Variants in ZRANB3 observed in about 807,000 individuals in gnomAD.
ZRANB3 encodes zinc finger RANBP2-type containing 3, also known as DNA annealing helicase and endonuclease ZRANB3.
A neutral mutation model predicts 133.8 loss-of-function variants in ZRANB3; 125 were observed. That is an observed-to-expected ratio of 0.93 (90% CI 0.81 to 1.08). ZRANB3 has a LOEUF of 1.08. Ranked by LOEUF, ZRANB3 falls within the 50% of genes least tolerant of loss-of-function variation. The probability of loss-of-function intolerance (pLI) is 0.00; values close to 1 mark genes in which losing one functional copy is unlikely to be tolerated. For synonymous variants in ZRANB3, 387 were observed against 432.7 expected (o/e 0.89, Z 1.31); for missense variants, 1,229 against 1,275.5 (o/e 0.96, Z 0.56).
At chr2:135,401,686 A>G (rs571845074) in intron 2 of ZRANB3, among the ~76,000 whole-genome samples, 1 of 152,362 alleles carries the variant, frequency 6.6e-6, no homozygotes, top group South Asian at 2.1e-4. Flanking sequence ...TCACGCAATG[A>G]TGCCAAATCT....
intron 12 of ZRANB3, among the ~76,000 whole-genome samples, chr2:135,243,243 C>T (rs1408677496): frequency 2.0e-5 from 3 of 152,140 alleles, no homozygotes; most frequent in East Asian, 1.9e-4. Context: ...AGGCTGGGCG[C>T]GGTGGCTCAC....
chr2:135,420,308 GATAA>G (rs1050103986), intron 2 of ZRANB3, among the ~76,000 whole-genome samples: 4 of 151,374 alleles, frequency 2.6e-5, no homozygotes, highest in African/African-American at 9.7e-5. Flanking sequence ...AATTAAAACT[GATAA>G]ATAAAGGCCA....
Position 135,238,195 on chromosome 2 carries a change from T to C in ZRANB3, c.1540-7268A>G, listed in dbSNP as rs566214844. 4.6e-5 allele frequency among the ~76,000 whole-genome samples: 7 copies of C among 152,282 alleles called. No homozygotes were observed. The East Asian group carries it at 1.4e-3, about 29-fold the overall frequency. On this transcript the variant is annotated intron_variant, in intron 12 of 20. Transcript: ENST00000264159. ...GTTTCAGAGGTGGAGTTGGGAACTA[T>C]GTTAGAAACACAGTGTGGCTGAATA...
intron 2 of ZRANB3, among the ~76,000 whole-genome samples, chr2:135,435,447 T>G (rs1159259394): frequency 1.3e-5 from 2 of 152,260 alleles, no homozygotes; most frequent in African/African-American, 4.8e-5. Context: ...AGTGCTACAT[T>G]GAACATTCAC....
chr2:135,392,248 A>G (rs1471389312), intron 2 of ZRANB3, among the ~76,000 whole-genome samples: 1 of 150,732 alleles, frequency 6.6e-6, no homozygotes, highest in Admixed American at 6.6e-5. Flanking sequence ...CAGGAATTGG[A>G]AGCCACACTG....
At chr2:135,405,037 G>A (rs1295643687) in intron 2 of ZRANB3, among the ~76,000 whole-genome samples, 1 of 152,132 alleles carries the variant, frequency 6.6e-6, no homozygotes, top group Non-Finnish European at 1.5e-5. Flanking sequence ...ATTGGATAAA[G>A]AGTCAAGACC....
intron 6 of ZRANB3, among the ~76,000 whole-genome samples, chr2:135,341,504 G>A (rs1169800089): frequency 6.7e-6 from 1 of 150,016 alleles, no homozygotes; most frequent in Non-Finnish European, 1.5e-5. Flanking sequence ...TGTAGAGCAT[G>A]TGTGTTTGAA....
chr2:135,498,730 C>G (rs1166865777), intron 2 of ZRANB3, among the ~76,000 whole-genome samples: 2 of 152,080 alleles, frequency 1.3e-5, no homozygotes, highest in Non-Finnish European at 2.9e-5. Context: ...AATGTGTTCC[C>G]AAGGGAAGGT....
intron 2 of ZRANB3, among the ~76,000 whole-genome samples, chr2:135,412,394 G>A (rs1398535682): frequency 1.3e-5 from 2 of 152,064 alleles, no homozygotes; most frequent in East Asian, 1.9e-4. Context: ...TATTAATGAA[G>A]TGATTTTAAT....
At chr2:135,416,138 C>T (rs1483344099) in intron 2 of ZRANB3, among the ~76,000 whole-genome samples, 7 of 151,722 alleles carry the variant, frequency 4.6e-5, no homozygotes, top group South Asian at 2.1e-4. Flanking sequence ...AAATAAAGGG[C>T]ATTCAATTAG....
chr2:135,426,927 TATGATTCACCAC>T (rs1689121807), intron 2 of ZRANB3, among the ~76,000 whole-genome samples: 1 of 97,076 alleles, frequency 1.0e-5, no homozygotes, highest in Non-Finnish European at 1.9e-5. Flanking sequence ...AATCAATAAA[TATGATTCACCAC>T]ATCAACGGAA....
At chr2:135,470,207 C>A (rs1691194363) in intron 2 of ZRANB3, among the ~76,000 whole-genome samples, 1 of 151,514 alleles carries the variant, frequency 6.6e-6, no homozygotes, top group African/African-American at 2.4e-5. Flanking sequence ...CACCTATAAT[C>A]CCAACTACTC....
At chr2:135,207,913 T>C (rs1693947151) in intron 18 of ZRANB3, 77 bp from the exon 19 acceptor site, 4 of 1,373,968 alleles carry the variant, frequency 2.9e-6, no homozygotes, top group Admixed American at 2.5e-5. Context: ...ATAAAGGTTA[T>C]CAAAGTTTCA....
rs1034077425 is a variant in ZRANB3 at position 135,481,445 on chromosome 2, C to T, written c.161+22884G>A. 2.2e-4 allele frequency among the ~76,000 whole-genome samples: 33 copies of T among 152,262 alleles called. No individual in the cohort carries two copies. The South Asian group carries it at 5.8e-3, about 27-fold the overall frequency. On this transcript the variant is annotated intron_variant, in intron 2 of 20. Transcript: ENST00000264159. Reference sequence around the variant, plus strand: ...GAAGTGTCTGTTCATATCCTTTGCCCACTTTTTGATGGGGCTGTTTGTTTT... The same window carrying T: ...GAAGTGTCTGTTCATATCCTTTGCCTACTTTTTGATGGGGCTGTTTGTTTT...
intron 3 of ZRANB3, among the ~76,000 whole-genome samples, chr2:135,388,084 C>A (rs950773688): frequency 2.0e-5 from 3 of 152,186 alleles, no homozygotes; most frequent in African/African-American, 7.2e-5. Context: ...GCTAGGGAGG[C>A]TCCACAATCA....
intron 4 of ZRANB3, among the ~76,000 whole-genome samples, chr2:135,350,904 A>C (rs1385795230): frequency 6.6e-6 from 1 of 152,206 alleles, no homozygotes; most frequent in African/African-American, 2.4e-5. Flanking sequence ...ATACATCTGT[A>C]ATATTCTGTA....
chr2:135,355,337 G>C, intron 3 of ZRANB3: 6 of 713,226 alleles, frequency 8.4e-6, no homozygotes, highest in Non-Finnish European at 1.0e-5. Flanking sequence ...TTCCAATACA[G>C]CAGAACTTTA....
intron 1 of ZRANB3, chr2:135,511,963 T>G: frequency 1.4e-6 from 1 of 728,958 alleles, no homozygotes; most frequent in Non-Finnish European, 2.5e-6. Flanking sequence ...CAATTCAAAC[T>G]GAGGGGAAAA....
chr2:135,525,827 A>G, intron 1 of ZRANB3, among the ~76,000 whole-genome samples: 1 of 150,640 alleles, frequency 6.6e-6, no homozygotes, highest in African/African-American at 2.5e-5. Context: ...TGGCCTGGGC[A>G]ACAAGAGCAA....
Sources: gnomAD v4.1 joint callset for allele counts (sites outside exome capture counted in the v4.1 genomes callset) on GRCh38, gnomAD v4.1.1 for gene constraint, MANE v1.5 for transcripts, NCBI Gene and HGNC (gene_info 2026-07-23, HGNC 2026-07-21) for gene names.